Variants in TMIGD1 observed in about 807,000 individuals in gnomAD.
The protein encoded by TMIGD1 is transmembrane and immunoglobulin domain-containing protein 1.
In TMIGD1, 29 loss-of-function variants were observed where a neutral mutation model predicts 27.5. The ratio of observed to expected loss-of-function variants is 1.05; its 90% CI spans 0.78 to 1.44. TMIGD1 has a LOEUF of 1.44. Among genes scored for constraint, TMIGD1 ranks in the 40% most tolerant of loss-of-function variants. The pLI is 0.00. For missense variants in TMIGD1, 334 were observed against 310.6 expected (o/e 1.08, Z -0.57); for synonymous variants, 109 against 110.3 (o/e 0.99, Z 0.07).
chr17:30,329,220 C>T (rs1438230705), intron 3 of TMIGD1, 31 bp downstream of exon 3: 6 of 1,604,896 alleles, frequency 3.7e-6, no homozygotes, highest in Non-Finnish European at 3.4e-6. Flanking sequence ...ACATTACAGA[C>T]CCACTAGCTG....
chr17:30,325,085 A>G lies in TMIGD1; in HGVS notation c.371T>C (p.Leu124Pro). The change falls in exon 4 of 7, where the codon CTC (leucine) becomes CCC (proline). Residue 124 changes from leucine (L) to proline (P), a missense_variant. Physicochemically the swap from Leu to Pro is moderately conservative, Grantham distance 98 (BLOSUM62 -3). Transcript: ENST00000328886. The part of the protein sequence containing the change: ...SVVLNVTFPP[L>P]LSGNDFQTVE... ...TGTTTGGAAGTCGTTTCCACTTAGGAGAGGAGGAACTGCAAGACTCAAGCA... is the reference window on the plus strand; with the variant it reads ...TGTTTGGAAGTCGTTTCCACTTAGGGGAGGAGGAACTGCAAGACTCAAGCA... 1 of 1,610,738 alleles carries G rather than the reference A, an allele frequency of 6.2e-7. No individual in the cohort carries two copies. The highest frequency in any genetic ancestry group is 8.5e-7 in the Non-Finnish European group (1 of 1,177,502).
intron 2 of TMIGD1, 73 bp downstream of exon 2, chr17:30,331,979 T>C: frequency 1.1e-6 from 1 of 945,674 alleles, no homozygotes; most frequent in East Asian, 2.5e-5. Context: ...ATATATCCAA[T>C]GCCCATTGAT....
rs552780913 is a variant in TMIGD1, at chr17:30,333,466, A to T, written c.-26+534T>A. Among the ~76,000 whole-genome samples, 114 of 151,854 alleles carry T rather than the reference A, an allele frequency of 7.5e-4. 2 individuals are homozygous for T. The South Asian group carries it at 0.021, about 28-fold the overall frequency. On this transcript the variant is annotated intron_variant, in intron 1 of 6. Coordinates refer to ENST00000328886, the MANE Select transcript of TMIGD1 (RefSeq NM_206832.3). The stretch of plus-strand genomic sequence containing the variant: ...AAAAAATAAAAATAAAAAATAAAAA[A>T]ATAAAAAAAAGCTGCTGTTAATCTT...
At chr17:30,323,462 C>A (rs1284157216) in intron 4 of TMIGD1, among the ~76,000 whole-genome samples, 2 of 152,180 alleles carry the variant, frequency 1.3e-5, no homozygotes, top group African/African-American at 4.8e-5. Flanking sequence ...GCCCCAGCAG[C>A]AGAGCATTTA....
At chr17:30,321,759 T>A (rs1452030329) in intron 4 of TMIGD1, among the ~76,000 whole-genome samples, 1 of 152,208 alleles carries the variant, frequency 6.6e-6, no homozygotes, top group African/African-American at 2.4e-5. Context: ...CCAATCCCTA[T>A]ATACCTTAAG....
At chr17:30,329,114 G>A (rs1909886907) in intron 3 of TMIGD1, 137 bp downstream of exon 3, 1 of 957,700 alleles carries the variant, frequency 1.0e-6, no homozygotes, top group Admixed American at 2.6e-5. Flanking sequence ...GAGGGTGAGG[G>A]GAAATAGGTA....
intron 5 of TMIGD1, 45 bp from the exon 6 acceptor site, chr17:30,317,278 A>T (rs749025627): frequency 6.2e-7 from 1 of 1,610,378 alleles, no homozygotes; most frequent in East Asian, 2.2e-5. Context: ...TTTAAGGCCC[A>T]TGGAGAAATA....
intron 5 of TMIGD1, 98 bp downstream of exon 5, chr17:30,318,712 C>A (rs957141138): frequency 6.2e-6 from 5 of 812,474 alleles, no homozygotes; most frequent in Admixed American, 4.8e-5. Flanking sequence ...TTTGACTTTG[C>A]CAAGAAGGGT....
At chr17:30,321,672 G>A (rs1056091904) in intron 4 of TMIGD1, among the ~76,000 whole-genome samples, 2 of 152,174 alleles carry the variant, frequency 1.3e-5, no homozygotes, top group Non-Finnish European at 2.9e-5. Context: ...AGGAAACAGG[G>A]TCATGAGTTA....
rs950608714 is a variant in TMIGD1 at position 30,327,634 on chromosome 17, G to A, written c.361+1617C>T. Among the ~76,000 whole-genome samples the A allele has an allele frequency of 4.6e-5, 7 of 151,548 alleles. No homozygotes were observed. The East Asian group carries it at 5.9e-4, about 13-fold the overall frequency. ...AAATGCAGTGGCGCAATCACAGCTC[G>A]CTGAAGCCTCAAACTTCTGGGCTCA... On this transcript the variant is annotated intron_variant, in intron 3 of 6. Transcript: ENST00000328886.
intron 1 of TMIGD1, among the ~76,000 whole-genome samples, chr17:30,333,578 C>T (rs1437720817): frequency 6.6e-6 from 1 of 152,210 alleles, no homozygotes; most frequent in Admixed American, 6.5e-5. Context: ...CTACTCTACT[C>T]CTCCCCTGTC....
chr17:30,327,295 T>C (rs1047578800), intron 3 of TMIGD1, among the ~76,000 whole-genome samples: 1 of 152,126 alleles, frequency 6.6e-6, no homozygotes, highest in Non-Finnish European at 1.5e-5. Flanking sequence ...TGCACGCCTG[T>C]AGTCCCAGCT....
At chr17:30,330,102 G>A (rs1468450322) in intron 2 of TMIGD1, among the ~76,000 whole-genome samples, 1 of 151,936 alleles carries the variant, frequency 6.6e-6, no homozygotes, top group Non-Finnish European at 1.5e-5. Flanking sequence ...AAGTACTGAT[G>A]CCTGATTCTC....
chr17:30,324,688 A>C, intron 4 of TMIGD1, 128 bp downstream of exon 4: 1 of 1,136,372 alleles, frequency 8.8e-7, no homozygotes, highest in South Asian at 1.6e-5. Context: ...TTGGATGGGG[A>C]TGATTCTCCA....
At chr17:30,317,030 G>A (rs1482316717) in intron 6 of TMIGD1, 163 bp downstream of exon 6, 1 of 811,498 alleles carries the variant, frequency 1.2e-6, no homozygotes, top group East Asian at 2.6e-5. Flanking sequence ...TTTTCAACCT[G>A]TCTTCCTCTA....
intron 6 of TMIGD1, 111 bp from the exon 7 acceptor site, chr17:30,316,801 C>A (rs2143123460): frequency 1.0e-6 from 1 of 968,310 alleles, no homozygotes; most frequent in Non-Finnish European, 1.6e-6. Context: ...TACCTACTAC[C>A]CACTTCACAT....
At chr17:30,327,045 TACACACACACAC>T (rs60346282) in intron 3 of TMIGD1, among the ~76,000 whole-genome samples, 33 of 146,590 alleles carry the variant, frequency 2.3e-4, no homozygotes, top group Non-Finnish European at 3.9e-4. Flanking sequence ...CAATTAACTA[TACACACACACAC>T]ACACACACAC....
chr17:30,320,275 A>G (rs903293428), intron 4 of TMIGD1, among the ~76,000 whole-genome samples: 2 of 151,942 alleles, frequency 1.3e-5, no homozygotes, highest in Non-Finnish European at 2.9e-5. Flanking sequence ...TGACCTTGTG[A>G]TCCGCCTTCC....
chr17:30,327,838 T>G (rs1348392132), intron 3 of TMIGD1, among the ~76,000 whole-genome samples: 1 of 151,940 alleles, frequency 6.6e-6, no homozygotes, highest in Non-Finnish European at 1.5e-5. Flanking sequence ...CCTCACCCAT[T>G]GCCATACCAT....
Sources: allele counts gnomAD v4.1 joint callset (sites outside exome capture counted in the v4.1 genomes callset), GRCh38; gene constraint gnomAD v4.1.1; transcripts MANE v1.5; gene names NCBI Gene and HGNC (gene_info 2026-07-23, HGNC 2026-07-21).